E2F5: variants seen among roughly 807,000 people sequenced by gnomAD.
E2F5 encodes E2F transcription factor 5.
Under a neutral mutation model 39.1 loss-of-function variants are expected in E2F5, and 23 were observed. The observed-to-expected ratio is 0.59, with a 90% confidence interval of 0.42 to 0.83. E2F5 has a LOEUF of 0.83. E2F5 is among the 40% of genes least tolerant of loss of function. E2F5 has a pLI of 0.00. For missense variants in E2F5, 365 were observed against 406.7 expected, an observed-to-expected ratio of 0.90 and a Z score of 0.88; for synonymous variants, 145 against 157.8, an observed-to-expected ratio of 0.92 and a Z score of 0.61.
intron 1 of E2F5, among the ~76,000 whole-genome samples, chr8:85,192,602 C>T (rs1239482423): frequency 6.6e-6 from 1 of 152,162 alleles, no homozygotes; most frequent in Admixed American, 6.5e-5. Flanking sequence ...TGCAACAGGA[C>T]TTAATAGTGT....
intron 3 of E2F5, 21 bp from the exon 4 acceptor site, chr8:85,206,155 TC>T: frequency 6.2e-7 from 1 of 1,610,942 alleles, no homozygotes; most frequent in Admixed American, 1.7e-5. Flanking sequence ...TAAATGTCGT[TC>T]CTTAACTCCT....
At chr8:85,205,395 CCTG>C (rs547680460) in intron 3 of E2F5, among the ~76,000 whole-genome samples, 42 of 152,176 alleles carry the variant, frequency 2.8e-4, no homozygotes, top group African/African-American at 1.0e-3. Flanking sequence ...ACCACCATGC[CCTG>C]CTAAGTTTTG....
chr8:85,184,741 A>G (rs1256595645), intron 1 of E2F5, among the ~76,000 whole-genome samples: 1 of 152,220 alleles, frequency 6.6e-6, no homozygotes, highest in Non-Finnish European at 1.5e-5. Context: ...GAGCCAAATC[A>G]TGAGTGGACT....
chr8:85,201,194 TCTGGGAGAGCTGTTAGCAATTATGCGAAG>T (rs1563981158), intron 1 of E2F5, among the ~76,000 whole-genome samples: 1 of 152,330 alleles, frequency 6.6e-6, no homozygotes, highest in East Asian at 1.9e-4. Context: ...AGTGATGCTC[TCTGGGAGAGCTGTTAGCAATTATGCGAAG>T]CTGGGAGAGC....
At chr8:85,183,042 G>A (rs568833615) in intron 1 of E2F5, among the ~76,000 whole-genome samples, 1 of 152,270 alleles carries the variant, frequency 6.6e-6, no homozygotes, top group Admixed American at 6.5e-5. Flanking sequence ...ACGAGGTCGG[G>A]AGATTGAGAC....
intron 1 of E2F5, among the ~76,000 whole-genome samples, chr8:85,179,353 G>A (rs563112031): frequency 1.3e-5 from 2 of 152,154 alleles, no homozygotes; most frequent in Non-Finnish European, 2.9e-5. Flanking sequence ...GCCCTTTCTT[G>A]ACTTGAAATT....
intron 1 of E2F5, among the ~76,000 whole-genome samples, chr8:85,188,930 A>G (rs1563977684): frequency 6.6e-6 from 1 of 152,148 alleles, no homozygotes; most frequent in Admixed American, 6.6e-5. Context: ...TTGTGCTGCA[A>G]CCAGATAGTG....
At chr8:85,196,910 C>T (rs1268794712) in intron 1 of E2F5, among the ~76,000 whole-genome samples, 2 of 152,146 alleles carry the variant, frequency 1.3e-5, no homozygotes, top group South Asian at 2.1e-4. Flanking sequence ...ATAATTAGTC[C>T]AAACCTCATC....
chr8:85,193,496 A>G (rs1812513975), intron 1 of E2F5, among the ~76,000 whole-genome samples: 1 of 152,182 alleles, frequency 6.6e-6, no homozygotes, highest in Admixed American at 6.5e-5. Context: ...CGATCAATCA[A>G]TCAATAAAAT....
chr8:85,197,905 A>G (rs1213819839), intron 1 of E2F5, among the ~76,000 whole-genome samples: 1 of 152,188 alleles, frequency 6.6e-6, no homozygotes, highest in African/African-American at 2.4e-5. Context: ...CTTTAAATTC[A>G]TGATCACCAA....
At chr8:85,212,083 T>C in intron 6 of E2F5, 74 bp from the exon 7 acceptor site, 2 of 1,166,264 alleles carry the variant, frequency 1.7e-6, no homozygotes, top group Non-Finnish European at 2.5e-6. Context: ...GCTGCTGCTG[T>C]GACTACTTGT....
intron 2 of E2F5, among the ~76,000 whole-genome samples, chr8:85,202,868 G>GTC (rs1361128742): frequency 1.3e-5 from 2 of 152,262 alleles, no homozygotes; most frequent in East Asian, 3.9e-4. Context: ...AAAAAACACT[G>GTC]TAGGGAAGAT....
chr8:85,186,663 T>C (rs1812343669), intron 1 of E2F5, among the ~76,000 whole-genome samples: 1 of 147,680 alleles, frequency 6.8e-6, no homozygotes, highest in Non-Finnish European at 1.5e-5. Context: ...GGTGTATATA[T>C]GGTATATATG....
At position 85,194,214 on chromosome 8, in the gene E2F5, G is replaced by C. The variant is rs565263741; in HGVS notation, c.235-7933G>C. 1.9e-3 allele frequency among the ~76,000 whole-genome samples: 291 copies of C among 152,244 alleles called. 3 individuals are homozygous for C. The highest frequency in any genetic ancestry group is 6.5e-3 in the Admixed American group (100 of 15,292). ...TTGCTGTATATGCATGTATGTTTGT[G>C]TATGTGTGTGCCCAGTAATTTTGGG... On this transcript the variant is annotated intron_variant, in intron 1 of 7. Transcript: ENST00000416274.
chr8:85,184,229 C>T (rs1812278936), intron 1 of E2F5, among the ~76,000 whole-genome samples: 1 of 152,108 alleles, frequency 6.6e-6, no homozygotes, highest in Non-Finnish European at 1.5e-5. Flanking sequence ...ATACGCAAAT[C>T]AATAAATCCA....
intron 1 of E2F5, among the ~76,000 whole-genome samples, chr8:85,179,988 G>A (rs1332061208): frequency 2.7e-5 from 4 of 148,230 alleles, no homozygotes; most frequent in Non-Finnish European, 4.5e-5. Flanking sequence ...TCTTTCCAAT[G>A]ATATTTCTTA....
intron 1 of E2F5, among the ~76,000 whole-genome samples, chr8:85,179,511 ATAAC>A (rs1409114654): frequency 6.6e-6 from 1 of 152,208 alleles, no homozygotes; most frequent in Non-Finnish European, 1.5e-5. Context: ...GGTTTCTACA[ATAAC>A]ACTGTCTCAT....
Position 85,177,465 on chromosome 8 carries a change from A to AGGGCAG in E2F5, c.54_59dup (p.Gly20_Gln21dup). On this transcript the variant is annotated inframe_insertion, in exon 1 of 8. Transcript: ENST00000416274. ...CGAGCTCGGGCCAGCAGGCGCCGGC[A>AGGGCAG]GGGCAGGGGCAGGGCCAGCGGCCGC... The AGGGCAG allele has an allele frequency of 7.0e-6, 7 of 1,005,454 alleles. No individual in the cohort carries two copies. The highest frequency in any genetic ancestry group is 7.1e-6 in the Non-Finnish European group (6 of 844,658). The allele number at this position is 1,005,454 out of a possible 1,614,324, so 62.3% of individuals were successfully genotyped here.
At chr8:85,207,595 G>T in intron 5 of E2F5, 106 bp downstream of exon 5, 1 of 842,508 alleles carries the variant, frequency 1.2e-6, no homozygotes, top group Admixed American at 3.3e-5. Context: ...AACACTGTGA[G>T]TTAGTCAAGT....
Sources: allele counts gnomAD v4.1 joint callset (sites outside exome capture counted in the v4.1 genomes callset), GRCh38; gene constraint gnomAD v4.1.1; transcripts MANE v1.5; gene names NCBI Gene and HGNC (gene_info 2026-07-23, HGNC 2026-07-21).